SURF4: variants seen among roughly 807,000 people sequenced by gnomAD.
The protein encoded by SURF4 is surfeit 4, also known as surfeit locus protein 4.
A neutral mutation model predicts 30.0 loss-of-function variants in SURF4; 3 were observed. That is an observed-to-expected ratio of 0.10 (90% CI 0.05 to 0.26). The LOEUF (loss-of-function observed/expected upper bound fraction) is 0.26, where lower values mean the gene tolerates loss of function less well. Ranked by LOEUF, SURF4 falls within the 10% of genes least tolerant of loss-of-function variation. SURF4 has a pLI of 1.00. For synonymous variants in SURF4, 143 were observed against 139.9 expected, an observed-to-expected ratio of 1.02 and a Z score of -0.16; for missense variants, 217 against 350.8, an observed-to-expected ratio of 0.62 and a Z score of 3.05.
chr9:133,373,909 C>CAAAAAAAAAAAAAAAAAAAAAAAAAAAAA (rs71824689), intron 1 of SURF4, among the ~76,000 whole-genome samples: 3 of 47,526 alleles, frequency 6.3e-5, no homozygotes, highest in Admixed American at 3.0e-4. Flanking sequence ...AATTCTGTCT[C>CAAAAAAAAAAAAAAAAAAAAAAAAAAAAA]AAAAAAAAAA....
At chr9:133,370,301 CG>C (rs1837429737) in intron 1 of SURF4, among the ~76,000 whole-genome samples, 1 of 152,170 alleles carries the variant, frequency 6.6e-6, no homozygotes, top group South Asian at 2.1e-4. Flanking sequence ...AACATGGTGA[CG>C]AAACAGACAC....
At chr9:133,376,936 C>T, upstream of SURF4, among the ~76,000 whole-genome samples, 1 of 152,112 alleles carries the variant, frequency 6.6e-6, no homozygotes. Context: ...CAGCGTGGGT[C>T]TGTGAAAATG....
At chr9:133,376,717 G>T (rs1030157169), upstream of SURF4, among the ~76,000 whole-genome samples, 1 of 152,212 alleles carries the variant, frequency 6.6e-6, no homozygotes. Flanking sequence ...GGCCTCCAAC[G>T]GTGACCTCCT....
chr9:133,377,624 T>C (rs2130255032), upstream of SURF4, among the ~76,000 whole-genome samples: 5 of 152,064 alleles, frequency 3.3e-5, no homozygotes, highest in Non-Finnish European at 5.9e-5. Flanking sequence ...GATAGCGCCA[T>C]TGGACTCCAG....
At chr9:133,375,816 CA>C (rs1837879151) in intron 1 of SURF4, 105 bp downstream of exon 1, 2 of 1,127,794 alleles carry the variant, frequency 1.8e-6, no homozygotes, top group Non-Finnish European at 2.2e-6. Context: ...AACAAGGAGT[CA>C]GGGGGCGGCC....
intron 1 of SURF4, among the ~76,000 whole-genome samples, chr9:133,371,988 C>T (rs2130193597): frequency 6.6e-6 from 1 of 152,354 alleles, no homozygotes; most frequent in Non-Finnish European, 1.5e-5. Context: ...CCATTAAGTG[C>T]TAATATTGCT....
At chr9:133,370,244 AAGAG>A (rs1837425469) in intron 1 of SURF4, among the ~76,000 whole-genome samples, 1 of 152,196 alleles carries the variant, frequency 6.6e-6, no homozygotes, top group African/African-American at 2.4e-5. Context: ...AAGAGCAAAA[AAGAG>A]AGAGAAGGTG....
rs2130094001 is a variant in SURF4, at chr9:133,363,838, G to A, written c.544-79C>T. 2 of 1,549,836 alleles carry A rather than the reference G, an allele frequency of 1.3e-6. No individual in the cohort carries two copies. The highest frequency in any genetic ancestry group is 1.4e-5 in the African/African-American group (1 of 73,280). ...TTTATAAACAAAAGTTCCAGCTGCTGCACGTCATGAAGTCTCTATCCATCA... is the reference window on the plus strand; with the variant it reads ...TTTATAAACAAAAGTTCCAGCTGCTACACGTCATGAAGTCTCTATCCATCA... On this transcript the variant is annotated intron_variant, in intron 5 of 5. Coordinates refer to ENST00000371989, the MANE Select transcript of SURF4 (RefSeq NM_033161.4). This position sits in a 1 kb window ranked among gnomAD's most constrained non-coding sequence, Gnocchi z 4.3.
At chr9:133,365,532 C>T (rs1163844806) in intron 4 of SURF4, among the ~76,000 whole-genome samples, 1 of 152,144 alleles carries the variant, frequency 6.6e-6, no homozygotes, top group Non-Finnish European at 1.5e-5. Flanking sequence ...GTCTTGGCCA[C>T]ACATAAAATA....
Position 133,367,434 on chromosome 9 carries a change from G to C in SURF4, c.60C>G (p.Val20=), listed in dbSNP as rs2130142261. ...CCACGTGGGGCAGGTACTGCTTTGTGACACGGAGGAACTGCAGGGCCACAG... is the reference window on the plus strand; with the variant it reads ...CCACGTGGGGCAGGTACTGCTTTGTCACACGGAGGAACTGCAGGGCCACAG... ...AEDFADQFLR[V]TKQYLPHVAR... Residue 20 remains valine, a synonymous_variant, in exon 2 of 6, where the codon GTC becomes GTG. Coordinates refer to ENST00000371989, the MANE Select transcript of SURF4 (RefSeq NM_033161.4). The C allele has an allele frequency of 1.4e-5, 23 of 1,613,756 alleles. No individual in the cohort carries two copies. The highest frequency in any genetic ancestry group is 1.9e-5 in the Non-Finnish European group (23 of 1,180,038).
At chr9:133,376,871 C>T (rs1476744101), upstream of SURF4, among the ~76,000 whole-genome samples, 1 of 152,156 alleles carries the variant, frequency 6.6e-6, no homozygotes, top group Admixed American at 6.5e-5. Context: ...GCAGGACCCC[C>T]GGGAACATCC....
chr9:133,377,043 T>C (rs1212229110), upstream of SURF4, among the ~76,000 whole-genome samples: 11 of 152,252 alleles, frequency 7.2e-5, no homozygotes, highest in Admixed American at 7.2e-4. Context: ...ATACACTTTA[T>C]TAAATGTTAG....
intron 1 of SURF4, chr9:133,370,978 T>G (rs1166369325): frequency 7.8e-7 from 1 of 1,288,662 alleles, no homozygotes. Context: ...ACAGGAAGAC[T>G]GATATTTCTC....
intron 4 of SURF4, 145 bp from the exon 5 acceptor site, chr9:133,365,171 A>G (rs936249826): frequency 2.7e-6 from 2 of 729,792 alleles, no homozygotes; most frequent in Admixed American, 6.3e-5. Flanking sequence ...AAGCAGGACC[A>G]GGCAGGCATG....
At chr9:133,370,889 C>G in intron 1 of SURF4, 1 of 1,289,770 alleles carries the variant, frequency 7.8e-7, no homozygotes. Flanking sequence ...TGTGGCCAAG[C>G]TTCTCATTAA....
At chr9:133,374,773 T>C (rs2130228931) in intron 1 of SURF4, among the ~76,000 whole-genome samples, 4 of 152,124 alleles carry the variant, frequency 2.6e-5, no homozygotes, top group East Asian at 1.9e-4. Flanking sequence ...AAGAGTTCAA[T>C]AGCTGATCAG....
chr9:133,371,230 C>G, intron 1 of SURF4: 2 of 674,116 alleles, frequency 3.0e-6, no homozygotes, highest in Middle Eastern at 7.6e-4. Flanking sequence ...TTTCCTTGAT[C>G]ACCAAGGACT....
chr9:133,363,586 G>A lies in SURF4; in HGVS notation c.717C>T (p.Phe239=), dbSNP rs1248719443. The A allele has an allele frequency of 2.5e-6, 4 of 1,614,228 alleles. No individual in the cohort carries two copies. The highest frequency in any genetic ancestry group is 1.7e-5 in the Admixed American group (1 of 60,024). ...KPMHDFLKYD[F]FQTMSVIGGL... The stretch of plus-strand genomic sequence containing the variant: ...CCCCAATCACCGACATGGTCTGGAA[G>A]AAGTCGTATTTCAGGAAGTCATGCA... The change falls in exon 6 of 6, where the codon TTC becomes TTT. Residue 239 remains phenylalanine (F), a synonymous_variant. Transcript: ENST00000371989. This position sits in a 1 kb window ranked among gnomAD's most constrained non-coding sequence, Gnocchi z 4.3.
chr9:133,367,109 T>TCCTGG lies in SURF4; in HGVS notation c.235+145_235+149dup, dbSNP rs1837219111. On this transcript the variant is annotated intron_variant, in intron 2 of 5. Transcript: ENST00000371989. ...CCCACCAAGGCTTGCAGAACCGGAC[T>TCCTGG]CCTGGCCTGGCACAGCTGAGCTGGA... 2.8e-6 allele frequency: 3 copies of TCCTGG among 1,062,756 alleles called. No homozygotes were observed. The South Asian group carries it at 4.8e-5, about 17-fold the overall frequency. The allele number at this position is 1,062,756 out of a possible 1,614,324, so 65.8% of individuals were successfully genotyped here.
Sources: gnomAD v4.1 joint callset for allele counts (sites outside exome capture counted in the v4.1 genomes callset) on GRCh38, gnomAD v4.1.1 for gene constraint, Gnocchi (gnomAD v3.1) non-coding constraint, MANE v1.5 for transcripts, NCBI Gene and HGNC (gene_info 2026-07-23, HGNC 2026-07-21) for gene names.